PKHD1: variants seen among roughly 807,000 people sequenced by gnomAD.
PKHD1 encodes the protein PKHD1 ciliary IPT domain containing fibrocystin/polyductin.
In PKHD1, 291 loss-of-function variants were observed where a neutral mutation model predicts 412.0. The observed-to-expected ratio is 0.71, with a 90% confidence interval of 0.64 to 0.78. The LOEUF is 0.78. Among genes scored for constraint, PKHD1 ranks in the 30% least tolerant of loss-of-function variants. The pLI, the probability that PKHD1 is intolerant of heterozygous loss-of-function variation, is 0.00. For missense variants in PKHD1, 4,825 were observed against 4,950.7 expected (o/e 0.97, Z 0.76); for synonymous variants, 1,777 against 1,821.5 (o/e 0.98, Z 0.62).
intron 52 of PKHD1, among the ~76,000 whole-genome samples, chr6:51,816,443 A>G (rs781037482): frequency 2.6e-5 from 4 of 152,228 alleles, no homozygotes; most frequent in Non-Finnish European, 4.4e-5. Context: ...GTGAGGTAAC[A>G]CACCTGTGGT....
rs1291962496 is a variant in PKHD1, at chr6:51,903,826, G to GCACTT, written c.6866-100_6866-99insAAGTG. 263 of 638,166 alleles carry GCACTT rather than the reference G, an allele frequency of 4.1e-4. No individual in the cohort carries two copies. In the African/African-American group the frequency reaches 7.8e-3, roughly 19 times the overall value. The allele number at this position is 638,166 out of a possible 1,614,324, so 39.5% of individuals were successfully genotyped here. On this transcript the variant is annotated intron_variant, in intron 42 of 66. Coordinates refer to ENST00000371117, the MANE Select transcript of PKHD1 (RefSeq NM_138694.4). ...TAATACACATCAGAGTTCACATAAT[G>GCACTT]CATTTCATATATATATATATATATA... is the stretch of plus-strand genomic sequence containing the variant.
chr6:51,966,072 T>A (rs1402338370), intron 35 of PKHD1, among the ~76,000 whole-genome samples: 1 of 152,174 alleles, frequency 6.6e-6, no homozygotes, highest in Non-Finnish European at 1.5e-5. Flanking sequence ...GTATCACTAA[T>A]CCTTATGTAA....
Position 51,865,401 on chromosome 6 carries a change from T to C in PKHD1, c.7733+2462A>G, listed in dbSNP as rs537586821. On this transcript the variant is annotated intron_variant, in intron 48 of 66. Coordinates refer to ENST00000371117, the MANE Select transcript of PKHD1 (RefSeq NM_138694.4). ...TCATAGGAACCAATAAAGTAGGAAG[T>C]GCCACAAAGGTAAGCACCGTCAGAT... 6.6e-5 allele frequency among the ~76,000 whole-genome samples: 10 copies of C among 152,220 alleles called. No homozygotes were observed. In the East Asian group the frequency reaches 1.5e-3, roughly 23 times the overall value.
At chr6:51,909,096 T>G (rs1782573959) in intron 40 of PKHD1, among the ~76,000 whole-genome samples, 187 bp downstream of exon 40, 1 of 152,146 alleles carries the variant, frequency 6.6e-6, no homozygotes, top group Non-Finnish European at 1.5e-5. Context: ...AACTCTGAAT[T>G]TTAATAAGCT....
chr6:51,896,071 G>A (rs1428426897), intron 43 of PKHD1, among the ~76,000 whole-genome samples: 1 of 152,224 alleles, frequency 6.6e-6, no homozygotes, highest in Non-Finnish European at 1.5e-5. Context: ...CAAACTGCAA[G>A]TCGGTAGCCA....
At position 51,909,318 on chromosome 6, in the gene PKHD1, T is replaced by C. The variant is rs868206025; in HGVS notation, c.6647A>G (p.His2216Arg). The change falls in exon 40 of 67, where the codon CAT becomes CGT. Residue 2216 changes from histidine to arginine, a missense_variant. His to Arg is a conservative substitution (Grantham distance 29). Transcript: ENST00000371117. ...TCCCACCAGAGTGAGTGAGCTCAGA[T>C]GCTTATGGAAGGCTTGCCCCAAGAC... is the stretch of plus-strand genomic sequence containing the variant. ...FQVLGQAFHK[H>R]LSSLTLVGAM... 1.9e-6 allele frequency: 3 copies of C among 1,613,470 alleles called. No homozygotes were observed. Among genetic ancestry groups the C allele is most frequent in the Middle Eastern group, 3.3e-4 (2 of 6,054 alleles).
chr6:51,990,432 C>A (rs1378841143), intron 35 of PKHD1, among the ~76,000 whole-genome samples: 1 of 152,138 alleles, frequency 6.6e-6, no homozygotes, highest in East Asian at 1.9e-4. Flanking sequence ...TTGTTTTATT[C>A]TGGTGGACAT....
chr6:51,867,733 C>A, intron 48 of PKHD1, 130 bp downstream of exon 48: 1 of 855,610 alleles, frequency 1.2e-6, no homozygotes. Flanking sequence ...AAAATTATTC[C>A]CATTTCACTT....
intron 13 of PKHD1, 139 bp from the exon 14 acceptor site, chr6:52,062,799 G>T: frequency 1.0e-6 from 1 of 983,098 alleles, no homozygotes; most frequent in Non-Finnish European, 1.6e-6. Context: ...AGATAGAGTA[G>T]TTATATGAAA....
intron 52 of PKHD1, among the ~76,000 whole-genome samples, chr6:51,796,041 G>A (rs190567927): frequency 3.3e-5 from 5 of 152,262 alleles, no homozygotes; most frequent in South Asian, 4.2e-4. Flanking sequence ...ATAGGGAGGA[G>A]TCCTTCCTTT....
At chr6:51,872,069 C>A (rs1345002066) in intron 46 of PKHD1, among the ~76,000 whole-genome samples, 1 of 151,434 alleles carries the variant, frequency 6.6e-6, no homozygotes. Flanking sequence ...GAAAGTAGAA[C>A]AAAAAGACAA....
In PKHD1 at chr6:51,618,346, A is replaced by T. The variant is rs979374583; in HGVS notation, c.*735T>A. The T allele has an allele frequency of 3.3e-5, 5 of 152,296 alleles. No homozygotes were observed. Among genetic ancestry groups the T allele is most frequent in the Non-Finnish European group, 5.9e-5 (4 of 68,182 alleles). 9.4% of individuals were successfully genotyped at this position (152,296 alleles called of 1,614,324 possible). ...ACAGAGAGAATCACTGAAAAATAGA[A>T]CAGTGGTCATACAAAATTTCCTTTC... On this transcript the variant is annotated 3_prime_UTR_variant, in exon 67 of 67. Transcript: ENST00000371117.
At chr6:51,947,831 C>G (rs1403703199) in intron 36 of PKHD1, among the ~76,000 whole-genome samples, 1 of 152,118 alleles carries the variant, frequency 6.6e-6, no homozygotes, top group African/African-American at 2.4e-5. Context: ...GATTCACATA[C>G]CCAACTGCCT....
In PKHD1 at chr6:51,659,294, A is replaced by G; in HGVS notation, c.10832T>C (p.Ile3611Thr). ...MPGHEETLKAIADSRAKRKRN... is the reference protein window; with the variant it reads ...MPGHEETLKATADSRAKRKRN... Reference sequence around the variant, plus strand: ...CTTTCTTTTTGCTCTACTGTCAGCAATGGCCTTTAAGGTCTCTTCATGGCC... The same window carrying G: ...CTTTCTTTTTGCTCTACTGTCAGCAGTGGCCTTTAAGGTCTCTTCATGGCC... Residue 3611 changes from isoleucine (I) to threonine (T), a missense_variant, in exon 61 of 67, where the codon ATT (isoleucine) becomes ACT (threonine). By Grantham distance (89) the Ile-to-Thr change is moderately conservative. Transcript: ENST00000371117. 1.2e-6 allele frequency: 2 copies of G among 1,613,866 alleles called. No homozygotes were observed. Among genetic ancestry groups the G allele is most frequent in the Non-Finnish European group, 1.7e-6 (2 of 1,179,878 alleles).
At chr6:51,863,770 C>T (rs947112969) in intron 48 of PKHD1, among the ~76,000 whole-genome samples, 5 of 152,140 alleles carry the variant, frequency 3.3e-5, no homozygotes, top group Non-Finnish European at 7.4e-5. Context: ...AAGCCGAATG[C>T]TGTGGACTCC....
At chr6:51,767,285 T>C (rs1220232061) in intron 55 of PKHD1, among the ~76,000 whole-genome samples, 1 of 152,114 alleles carries the variant, frequency 6.6e-6, no homozygotes, top group Non-Finnish European at 1.5e-5. Flanking sequence ...TTAGTTACAT[T>C]TGATTTATCA....
At chr6:51,896,848 C>G (rs1780128593) in intron 43 of PKHD1, among the ~76,000 whole-genome samples, 1 of 151,772 alleles carries the variant, frequency 6.6e-6, no homozygotes, top group Non-Finnish European at 1.5e-5. Flanking sequence ...AACCAAGGCT[C>G]GAGAACTACG....
In PKHD1 at chr6:52,024,877, A is replaced by G. The variant is rs757073421; in HGVS notation, c.4933T>C (p.Tyr1645His). 2.5e-6 allele frequency: 4 copies of G among 1,614,222 alleles called. No individual in the cohort carries two copies. Among genetic ancestry groups the G allele is most frequent in the Non-Finnish European group, 2.5e-6 (3 of 1,180,036 alleles). Residue 1645 changes from tyrosine (Y) to histidine (H), a missense_variant, in exon 32 of 67, where the codon TAT (tyrosine) becomes CAT (histidine). By Grantham distance (83) the Tyr-to-His change is moderately conservative. Transcript: ENST00000371117. Reference sequence around the variant, plus strand: ...TTATAACCAATGACTCCTATGTGATACCAAAGTCCATCTACCTCTATTTCC... The same window carrying G: ...TTATAACCAATGACTCCTATGTGATGCCAAAGTCCATCTACCTCTATTTCC... ...ALEIEVDGLW[Y>H]HIGVIGYNKA...
chr6:51,678,119 C>T (rs1258391998), intron 60 of PKHD1, among the ~76,000 whole-genome samples: 1 of 152,084 alleles, frequency 6.6e-6, no homozygotes, highest in Non-Finnish European at 1.5e-5. Context: ...AATTCAAACT[C>T]AGGAAGTACA....
Sources: allele counts gnomAD v4.1 joint callset (sites outside exome capture counted in the v4.1 genomes callset), GRCh38; gene constraint gnomAD v4.1.1; transcripts MANE v1.5; gene names NCBI Gene and HGNC (gene_info 2026-07-23, HGNC 2026-07-21).